Variants in PCDH15 observed in about 807,000 individuals in gnomAD.
The protein encoded by PCDH15 is protocadherin related 15.
Under a neutral mutation model 178.5 loss-of-function variants are expected in PCDH15, and 129 were observed. The observed-to-expected ratio is 0.72, with a 90% confidence interval of 0.63 to 0.84. PCDH15 has a LOEUF of 0.84. Ranked by LOEUF, PCDH15 falls within the 40% of genes least tolerant of loss-of-function variation. The pLI, the probability that PCDH15 is intolerant of heterozygous loss-of-function variation, is 0.00. For synonymous variants in PCDH15, 800 were observed against 732.0 expected (o/e 1.09, Z -1.50); for missense variants, 2,230 against 2,099.9 (o/e 1.06, Z -1.21).
At chr10:54,777,341 T>G (rs1949821526) in intron 1 of PCDH15, among the ~76,000 whole-genome samples, 1 of 152,172 alleles carries the variant, frequency 6.6e-6, no homozygotes, top group African/African-American at 2.4e-5. Context: ...GCAGACAGTT[T>G]CTACACTAAA....
At chr10:53,822,507 A>G (rs1458711054) in intron 32 of PCDH15, 1 of 1,612,588 alleles carries the variant, frequency 6.2e-7, no homozygotes, top group Admixed American at 1.7e-5. Context: ...AGAAGGAGAG[A>G]TGTTTGGTGG....
chr10:53,930,402 G>C (rs143557101), intron 25 of PCDH15, among the ~76,000 whole-genome samples: 1,488 of 121,958 alleles, frequency 0.012, 24 homozygotes, highest in African/African-American at 0.043. Flanking sequence ...AGCTTGCAAC[G>C]AGCTGAGACC....
chr10:54,022,611 G>A (rs946583606), intron 19 of PCDH15, among the ~76,000 whole-genome samples: 1 of 151,980 alleles, frequency 6.6e-6, no homozygotes, highest in Non-Finnish European at 1.5e-5. Flanking sequence ...GGAATAAACA[G>A]AATATTACTT....
intron 2 of PCDH15, among the ~76,000 whole-genome samples, chr10:55,098,820 T>C (rs1564796672): frequency 6.7e-6 from 1 of 148,524 alleles, no homozygotes. Flanking sequence ...CTCTCTCTCT[T>C]TCTCTCTCTC....
In PCDH15 at chr10:54,807,950, A is replaced by T. The variant is rs139758436; in HGVS notation, c.-29+89500T>A. Reference sequence around the variant, plus strand: ...CCTAATATTTTGCTGAAATGGCCTCAGTTATTTCTAATTACAACATTAAAA... The same window carrying T: ...CCTAATATTTTGCTGAAATGGCCTCTGTTATTTCTAATTACAACATTAAAA... On this transcript the variant is annotated intron_variant, in intron 3 of 5. Transcript: ENST00000458638. Among the ~76,000 whole-genome samples, 898 of 151,782 alleles carry T rather than the reference A, an allele frequency of 5.9e-3. 9 individuals are homozygous for T. The highest frequency in any genetic ancestry group is 0.019 in the African/African-American group (798 of 41,516).
intron 2 of PCDH15, among the ~76,000 whole-genome samples, chr10:55,580,380 C>T (rs373971693): frequency 1.2e-3 from 159 of 135,288 alleles, no homozygotes; most frequent in African/African-American, 4.1e-3. Context: ...TTTTTTGAGA[C>T]GAAGTCTCAT....
At chr10:54,334,677 TA>T (rs1940659607) in intron 6 of PCDH15, among the ~76,000 whole-genome samples, 1 of 69,674 alleles carries the variant, frequency 1.4e-5, no homozygotes, top group African/African-American at 6.1e-5. Flanking sequence ...AGATAATTTC[TA>T]AAGAACACAC....
At chr10:55,091,636 C>A (rs2246693) in intron 2 of PCDH15, among the ~76,000 whole-genome samples, 68,563 of 151,658 alleles carry the variant, frequency 0.45, 19,209 homozygotes, top group African/African-American at 0.79. Context: ...AGGTAACTAT[C>A]ATTTAAATAT....
chr10:55,588,680 GA>G (rs146447403), intron 2 of PCDH15, among the ~76,000 whole-genome samples: 4,374 of 148,526 alleles, frequency 0.029, 213 homozygotes, highest in African/African-American at 0.1. Context: ...TATCATTTCT[GA>G]AAAAAAAAAT....
intron 2 of PCDH15, among the ~76,000 whole-genome samples, chr10:55,434,547 C>T (rs763590439): frequency 6.6e-6 from 1 of 151,984 alleles, no homozygotes; most frequent in Non-Finnish European, 1.5e-5. Context: ...CACAAAATAT[C>T]TAGCTCTTCA....
At chr10:55,084,719 A>AT (rs927570382) in intron 2 of PCDH15, among the ~76,000 whole-genome samples, 4 of 151,986 alleles carry the variant, frequency 2.6e-5, no homozygotes, top group Admixed American at 1.3e-4. Flanking sequence ...AGCTCAAACA[A>AT]TTATATAGGA....
At chr10:55,591,358 C>G (rs1842839335) in intron 2 of PCDH15, among the ~76,000 whole-genome samples, 1 of 151,962 alleles carries the variant, frequency 6.6e-6, no homozygotes, top group Non-Finnish European at 1.5e-5. Flanking sequence ...TTGCTTGAGC[C>G]CAGGAGATGG....
intron 8 of PCDH15, among the ~76,000 whole-genome samples, chr10:54,293,067 T>C (rs1201688191): frequency 6.6e-6 from 1 of 152,114 alleles, no homozygotes; most frequent in Non-Finnish European, 1.5e-5. Context: ...CTTCAAACTA[T>C]ACCACAAAGC....
intron 2 of PCDH15, among the ~76,000 whole-genome samples, chr10:55,025,834 C>T (rs1840463036): frequency 6.6e-6 from 1 of 151,876 alleles, no homozygotes; most frequent in Admixed American, 6.6e-5. Context: ...CAACATAAAA[C>T]AGAAAGGTTC....
At chr10:55,004,318 G>A (rs1049800069) in intron 2 of PCDH15, among the ~76,000 whole-genome samples, 2 of 152,098 alleles carry the variant, frequency 1.3e-5, no homozygotes, top group African/African-American at 2.4e-5. Flanking sequence ...TGAGAAATTG[G>A]TAAACAGCAA....
intron 3 of PCDH15, among the ~76,000 whole-genome samples, chr10:54,808,252 G>T (rs995519069): frequency 6.6e-6 from 1 of 152,124 alleles, no homozygotes; most frequent in Non-Finnish European, 1.5e-5. Flanking sequence ...TATTCTGTCT[G>T]TCATTCTTTG....
At chr10:54,800,087 T>C (rs945125549) in intron 1 of PCDH15, among the ~76,000 whole-genome samples, 1 of 152,178 alleles carries the variant, frequency 6.6e-6, no homozygotes, top group African/African-American at 2.4e-5. Flanking sequence ...CATCATATTA[T>C]ACTCTAGTTA....
intron 1 of PCDH15, among the ~76,000 whole-genome samples, chr10:55,199,258 T>C (rs1840175877): frequency 2.0e-5 from 3 of 152,084 alleles, no homozygotes; most frequent in Non-Finnish European, 4.4e-5. Context: ...GAAAAAGTTA[T>C]TGGGAAACGG....
intron 1 of PCDH15, among the ~76,000 whole-genome samples, chr10:54,716,454 T>G (rs34193850): frequency 0.13 from 20,105 of 152,130 alleles, 1,414 homozygotes; most frequent in East Asian, 0.25. Flanking sequence ...GGTTTGTAGT[T>G]CTCCTTGAAG....
Sources: allele counts gnomAD v4.1 joint callset (sites outside exome capture counted in the v4.1 genomes callset), GRCh38; gene constraint gnomAD v4.1.1; transcripts MANE v1.5; gene names NCBI Gene and HGNC (gene_info 2026-07-23, HGNC 2026-07-21).